SLC9A8: variants seen among roughly 807,000 people sequenced by gnomAD.
SLC9A8 encodes sodium/hydrogen exchanger 8.
Under a neutral mutation model 66.6 loss-of-function variants are expected in SLC9A8, and 48 were observed. The observed-to-expected ratio is 0.72, with a 90% CI of 0.57 to 0.92. SLC9A8 has a LOEUF of 0.92. SLC9A8 is among the 40% of genes least tolerant of loss of function. SLC9A8 has a pLI of 0.00. For synonymous variants in SLC9A8, 274 were observed against 282.6 expected (o/e 0.97, Z 0.31); for missense variants, 599 against 747.3 (o/e 0.80, Z 2.31).
rs1438437908 is a variant in SLC9A8 at position 49,890,440 on chromosome 20, T to C, written c.*2504T>C. On this transcript the variant is annotated 3_prime_UTR_variant, in exon 16 of 16. Coordinates refer to ENST00000361573, the MANE Select transcript of SLC9A8 (RefSeq NM_015266.3). ...ATTTTCTTCTGGGTCTAGGCCATGG[T>C]ACAGGAGAACTGTGGCGTGTAGGAG... 3 of 152,220 alleles carry C rather than the reference T, an allele frequency of 2.0e-5. No homozygotes were observed. The highest frequency in any genetic ancestry group is 4.4e-5 in the Non-Finnish European group (3 of 68,056). 9.4% of individuals were successfully genotyped at this position (152,220 alleles called of 1,614,324 possible).
chr20:49,881,116 C>A, intron 13 of SLC9A8, 81 bp downstream of exon 13: 1 of 1,030,558 alleles, frequency 9.7e-7, no homozygotes, highest in Non-Finnish European at 1.5e-6. Flanking sequence ...TGGTTCTCTG[C>A]TAGCGCCCTT....
chr20:49,847,794 G>C (rs2146601496), intron 5 of SLC9A8, among the ~76,000 whole-genome samples: 2 of 151,532 alleles, frequency 1.3e-5, no homozygotes, highest in Admixed American at 1.3e-4. Context: ...GGAAGTTCTT[G>C]TATTATGGTA....
rs1420282983 is a variant in SLC9A8, at chr20:49,892,042, C to G, written c.*4106C>G. The G allele has an allele frequency of 6.6e-6, 1 of 151,408 alleles. No individual in the cohort carries two copies. Among genetic ancestry groups the G allele is most frequent in the Non-Finnish European group, 1.5e-5 (1 of 67,880 alleles). The allele number at this position is 151,408 out of a possible 1,614,324, so 9.4% of individuals were successfully genotyped here. On this transcript the variant is annotated 3_prime_UTR_variant, in exon 16 of 16. Transcript: ENST00000361573. ...AGAGGCCCCTGTTAGGCCCCTGTTT[C>G]CTGAGCAGTGATGTGCTGCTCTTCT...
chr20:49,885,749 G>A (rs1298760852), intron 14 of SLC9A8, among the ~76,000 whole-genome samples: 1 of 152,152 alleles, frequency 6.6e-6, no homozygotes, highest in African/African-American at 2.4e-5. Flanking sequence ...AGAAACTGGC[G>A]CTTTCATTAT....
chr20:49,846,054 G>A (rs540686153), intron 5 of SLC9A8, among the ~76,000 whole-genome samples: 1 of 152,092 alleles, frequency 6.6e-6, no homozygotes, highest in Non-Finnish European at 1.5e-5. Flanking sequence ...GGCCAGGCTG[G>A]TCTCGAACTC....
At chr20:49,876,576 A>G (rs1036700718) in intron 11 of SLC9A8, among the ~76,000 whole-genome samples, 1 of 152,240 alleles carries the variant, frequency 6.6e-6, no homozygotes, top group East Asian at 1.9e-4. Flanking sequence ...CATTAGAAAA[A>G]TTGTCGAATT....
At chr20:49,855,778 G>C (rs1336850126) in intron 8 of SLC9A8, among the ~76,000 whole-genome samples, 197 bp downstream of exon 8, 2 of 152,120 alleles carry the variant, frequency 1.3e-5, no homozygotes, top group Non-Finnish European at 1.5e-5. Context: ...TTCCAGGGGT[G>C]GTTAAAAGAG....
chr20:49,815,230 TGTCTGTGTGCTCG>T (rs2086506642), intron 2 of SLC9A8, 41 bp downstream of exon 2: 2 of 1,454,784 alleles, frequency 1.4e-6, no homozygotes, highest in South Asian at 2.8e-5. Flanking sequence ...TGCCATCCCG[TGTCTGTGTGCTCG>T]GTCTGTGTGT....
intron 4 of SLC9A8, among the ~76,000 whole-genome samples, chr20:49,842,096 G>T (rs2087792140): frequency 6.7e-6 from 1 of 150,364 alleles, no homozygotes. Context: ...GGGGAGCAGA[G>T]TCTCACTATG....
chr20:49,879,290 A>G (rs998536893), intron 12 of SLC9A8, among the ~76,000 whole-genome samples: 10 of 152,142 alleles, frequency 6.6e-5, no homozygotes, highest in Non-Finnish European at 8.8e-5. Context: ...TGTAAACTCA[A>G]TTTAGTGGTC....
intron 3 of SLC9A8, among the ~76,000 whole-genome samples, chr20:49,834,188 T>TCTCTCC (rs2087348791): frequency 3.0e-5 from 1 of 33,668 alleles, no homozygotes; most frequent in Non-Finnish European, 6.2e-5. Flanking sequence ...TCTCTCTCTA[T>TCTCTCC]ATATATATAT....
intron 3 of SLC9A8, chr20:49,830,408 C>T (rs1380629490): frequency 2.0e-5 from 17 of 832,634 alleles, no homozygotes; most frequent in East Asian, 1.0e-4. Context: ...ACATCACTTT[C>T]GCCCGTGTGT....
chr20:49,831,559 G>C (rs2146513974), intron 3 of SLC9A8, among the ~76,000 whole-genome samples: 1 of 152,196 alleles, frequency 6.6e-6, no homozygotes, highest in African/African-American at 2.4e-5. Context: ...AATGAGAGTT[G>C]GAAGCCTTCC....
chr20:49,823,880 A>G (rs1191937849), intron 3 of SLC9A8, among the ~76,000 whole-genome samples: 3 of 152,316 alleles, frequency 2.0e-5, no homozygotes, highest in African/African-American at 7.2e-5. Flanking sequence ...ACTAGTTTCT[A>G]CTTGCCTACT....
chr20:49,830,300 A>T, intron 3 of SLC9A8: 1 of 1,148,304 alleles, frequency 8.7e-7, no homozygotes, highest in Non-Finnish European at 1.3e-6. Context: ...TGGGTCACAC[A>T]GTGACTGTCT....
chr20:49,848,949 A>G (rs1293241976), intron 5 of SLC9A8, among the ~76,000 whole-genome samples: 1 of 152,176 alleles, frequency 6.6e-6, no homozygotes, highest in Non-Finnish European at 1.5e-5. Flanking sequence ...CTGCAGCCTC[A>G]TGGGAAAGTA....
chr20:49,873,748 G>T (rs1475258353), intron 10 of SLC9A8, among the ~76,000 whole-genome samples: 2 of 132,124 alleles, frequency 1.5e-5, no homozygotes, highest in Non-Finnish European at 3.2e-5. Flanking sequence ...TCCAGCCTGG[G>T]CAAAAAGACT....
intron 12 of SLC9A8, among the ~76,000 whole-genome samples, chr20:49,880,511 C>G (rs1031546776): frequency 6.6e-6 from 1 of 152,124 alleles, no homozygotes; most frequent in Non-Finnish European, 1.5e-5. Context: ...TTGTCTGTCC[C>G]CCTAGTCCTG....
intron 3 of SLC9A8, among the ~76,000 whole-genome samples, chr20:49,827,903 T>A (rs1287158482): frequency 6.6e-6 from 1 of 152,112 alleles, no homozygotes; most frequent in Non-Finnish European, 1.5e-5. Context: ...CATAACTTTT[T>A]AAACCATATT....
Sources: allele counts gnomAD v4.1 joint callset (sites outside exome capture counted in the v4.1 genomes callset), GRCh38; gene constraint gnomAD v4.1.1; transcripts MANE v1.5; gene names NCBI Gene and HGNC (gene_info 2026-07-23, HGNC 2026-07-21).